OR2L13: variants seen among roughly 807,000 people sequenced by gnomAD.
OR2L13 encodes the protein olfactory receptor family 2 subfamily L member 13, also known as olfactory receptor 2L13.
OR2L13 carries 14 observed loss-of-function variants against 15.3 expected under a neutral mutation model. The ratio of observed to expected loss-of-function variants is 0.91; its 90% confidence interval spans 0.60 to 1.43. The LOEUF (loss-of-function observed/expected upper bound fraction) is 1.43. Ranked by LOEUF, OR2L13 falls within the 40% of genes most tolerant of loss-of-function variation. The pLI is 0.00. For missense variants in OR2L13, 367 were observed against 387.9 expected, an observed-to-expected ratio of 0.95 and a Z score of 0.45; for synonymous variants, 152 against 142.9, an observed-to-expected ratio of 1.06 and a Z score of -0.45.
At chr1:247,970,370 G>T in the OR2L13 span, among the ~76,000 whole-genome samples, 1 of 152,038 alleles carries the variant, frequency 6.6e-6, no homozygotes, top group Admixed American at 6.6e-5. Flanking sequence ...AAAAAACATG[G>T]TCTCTGAGAT....
the OR2L13 span, chr1:248,055,826 A>G: frequency 1.3e-5 from 2 of 152,232 alleles, no homozygotes; most frequent in African/African-American, 4.8e-5. Context: ...AATTGTTTGG[A>G]AAAGTTTCAG....
At chr1:248,038,720 C>G in the OR2L13 span, 1 of 1,614,108 alleles carries the variant, frequency 6.2e-7, no homozygotes, top group Non-Finnish European at 8.5e-7. Context: ...GGATGATAAG[C>G]TCTATCAACT....
At chr1:248,053,314 A>G in the OR2L13 span, among the ~76,000 whole-genome samples, 478 of 152,272 alleles carry the variant, frequency 3.1e-3, 6 homozygotes, top group African/African-American at 0.011. Flanking sequence ...ATAGTATTCC[A>G]TTGTGTATAT....
chr1:247,992,623 G>A, the OR2L13 span, among the ~76,000 whole-genome samples: 1 of 152,162 alleles, frequency 6.6e-6, no homozygotes, highest in African/African-American at 2.4e-5. Context: ...AGAACATTCT[G>A]TATTTGGTTT....
the OR2L13 span, chr1:248,004,210 A>C: frequency 1.5e-6 from 1 of 679,208 alleles, no homozygotes; most frequent in Non-Finnish European, 2.3e-6. Flanking sequence ...TTTCTGGACA[A>C]AATTGTTTTA....
At chr1:248,060,593 C>A in the OR2L13 span, 2 of 1,002,876 alleles carry the variant, frequency 2.0e-6, no homozygotes, top group Non-Finnish European at 3.0e-6. Context: ...TACTGAGGGG[C>A]TTCAAATGCA....
the OR2L13 span, chr1:247,949,025 A>T: frequency 6.2e-7 from 1 of 1,613,778 alleles, no homozygotes; most frequent in Non-Finnish European, 8.5e-7. Context: ...ATCTCCACAC[A>T]CCCATGTATT....
chr1:248,081,735 T>A, the OR2L13 span, among the ~76,000 whole-genome samples: 1 of 152,180 alleles, frequency 6.6e-6, no homozygotes, highest in Non-Finnish European at 1.5e-5. Context: ...TCTCCTGTCA[T>A]CCTCAACTCT....
the OR2L13 span, among the ~76,000 whole-genome samples, chr1:247,994,625 G>A: frequency 6.6e-6 from 1 of 152,168 alleles, no homozygotes; most frequent in Non-Finnish European, 1.5e-5. Flanking sequence ...GAGAGAAAGA[G>A]CGTAGGTCAA....
the OR2L13 span, among the ~76,000 whole-genome samples, chr1:248,069,880 G>T: frequency 6.6e-6 from 1 of 152,086 alleles, no homozygotes; most frequent in South Asian, 2.1e-4. Context: ...GACAAAGAAG[G>T]CCATCACATA....
chr1:248,022,841 G>T, the OR2L13 span: 1 of 1,612,810 alleles, frequency 6.2e-7, no homozygotes. Context: ...AGGTGATGGG[G>T]GCCCTGACAC....
chr1:248,038,474 C>A, the OR2L13 span: 1 of 1,613,742 alleles, frequency 6.2e-7, no homozygotes, highest in Non-Finnish European at 8.5e-7. Flanking sequence ...CCCTCATTGA[C>A]CTAAATTACA....
At chr1:248,069,826 T>C in the OR2L13 span, among the ~76,000 whole-genome samples, 1 of 152,132 alleles carries the variant, frequency 6.6e-6, no homozygotes, top group Non-Finnish European at 1.5e-5. Flanking sequence ...GTTGCAATCC[T>C]AGTCTCTGAT....
chr1:248,021,980 C>T, the OR2L13 span: 9 of 1,613,462 alleles, frequency 5.6e-6, no homozygotes, highest in Non-Finnish European at 7.6e-6. Flanking sequence ...CAACTGATTT[C>T]ATCTTATTGG....
the OR2L13 span, among the ~76,000 whole-genome samples, chr1:247,941,327 T>C: frequency 6.6e-6 from 1 of 152,070 alleles, no homozygotes; most frequent in African/African-American, 2.4e-5. Context: ...GAGTAAGTAT[T>C]TGGGTTATAT....
chr1:247,951,241 T>G, the OR2L13 span, among the ~76,000 whole-genome samples: 1 of 152,186 alleles, frequency 6.6e-6, no homozygotes, highest in African/African-American at 2.4e-5. Context: ...GCTTTGCTCT[T>G]TTTTTCAGGA....
the OR2L13 span, among the ~76,000 whole-genome samples, chr1:248,078,307 C>T: frequency 6.6e-6 from 1 of 151,970 alleles, no homozygotes; most frequent in Non-Finnish European, 1.5e-5. Flanking sequence ...ATGATGAAAC[C>T]CCGTGTCTAC....
the OR2L13 span, among the ~76,000 whole-genome samples, chr1:248,002,411 C>T: frequency 5.2e-5 from 6 of 115,958 alleles, no homozygotes; most frequent in East Asian, 1.3e-3. Context: ...TCCAGCATAC[C>T]ACTTTCCCTC....
the OR2L13 span, among the ~76,000 whole-genome samples, chr1:247,979,071 A>G: frequency 2.6e-5 from 4 of 152,118 alleles, no homozygotes; most frequent in Non-Finnish European, 4.4e-5. Flanking sequence ...CCCACATCAA[A>G]TAAGGATTCT....
Sources: allele counts gnomAD v4.1 joint callset (sites outside exome capture counted in the v4.1 genomes callset), GRCh38; gene constraint gnomAD v4.1.1; transcripts MANE v1.5; gene names NCBI Gene and HGNC (gene_info 2026-07-23, HGNC 2026-07-21).